Variants in FAAH2 observed in about 807,000 individuals in gnomAD.
The protein encoded by FAAH2 is fatty acid amide hydrolase 2.
Under a neutral mutation model 36.9 loss-of-function variants are expected in FAAH2, and 60 were observed. That is an observed-to-expected ratio of 1.63 (90% CI 1.32 to 2.02). FAAH2 has a LOEUF of 2.02. Ranked by LOEUF, FAAH2 falls within the 30% of genes most tolerant of loss-of-function variation. The pLI, the probability that FAAH2 is intolerant of heterozygous loss-of-function variation, is 0.00. For missense variants in FAAH2, 689 were observed against 397.5 expected (o/e 1.73, Z -6.23); for synonymous variants, 214 against 143.8 (o/e 1.49, Z -3.49).
At chrX:57,333,070 C>T (rs952410214) in intron 4 of FAAH2, among the ~76,000 whole-genome samples, 12 of 110,951 alleles carry the variant, frequency 1.1e-4, no homozygotes, top group Non-Finnish European at 2.1e-4. Flanking sequence ...AATACTTCCT[C>T]TCCTTGTCTC....
intron 5 of FAAH2, among the ~76,000 whole-genome samples, chrX:57,349,704 G>A (rs1412245056): frequency 2.8e-5 from 3 of 108,011 alleles, no homozygotes; most frequent in Non-Finnish European, 5.8e-5. Flanking sequence ...TAATTCTTTT[G>A]GACAAAAATA....
At chrX:57,202,560 C>T in the FAAH2 span, among the ~76,000 whole-genome samples, 1 of 111,907 alleles carries the variant, frequency 8.9e-6, no homozygotes, top group Admixed American at 9.5e-5. Flanking sequence ...TGGCCACCAC[C>T]ATTAGGACTG....
intron 8 of FAAH2, among the ~76,000 whole-genome samples, chrX:57,443,874 T>C (rs1482977123): frequency 8.9e-6 from 1 of 112,205 alleles, no homozygotes; most frequent in East Asian, 2.8e-4. Context: ...TTTACTAAGG[T>C]CCACTTCACA....
the FAAH2 span, among the ~76,000 whole-genome samples, chrX:57,215,822 G>C: frequency 9.4e-6 from 1 of 106,921 alleles, no homozygotes; most frequent in East Asian, 3.0e-4. Flanking sequence ...TCAGGTGGTG[G>C]GGGCAAGGGG....
At chrX:57,150,664 G>A in the FAAH2 span, among the ~76,000 whole-genome samples, 2 of 111,993 alleles carry the variant, frequency 1.8e-5, no homozygotes. Flanking sequence ...CTCTGCATGT[G>A]AGATGGGTTT....
chrX:57,467,965 G>T (rs1020290019), intron 10 of FAAH2, among the ~76,000 whole-genome samples: 3 of 111,802 alleles, frequency 2.7e-5, no homozygotes, highest in Admixed American at 9.5e-5. Context: ...CACAGCTTTC[G>T]TTGCTGATAC....
Position 57,286,840 on chromosome X carries a change from T to C in FAAH2, c.15T>C (p.Phe5=). Residue 5 remains phenylalanine, a synonymous_variant, in exon 1 of 11, where the codon TTT becomes TTC. Transcript: ENST00000374900. ...TCCAGGCTGCGATGGCACCTTCATT[T>C]ACCGCCCGCATTCAGTTGTTCCTCT... MAPS[F]TARIQLFLLR... is the part of the protein sequence containing the mutation. 8.4e-7 allele frequency: 1 copy of C among 1,184,932 alleles called. No homozygotes were observed. The highest frequency in any genetic ancestry group is 1.1e-6 in the Non-Finnish European group (1 of 880,692).
At chrX:57,367,222 G>A (rs1462415745) in intron 5 of FAAH2, among the ~76,000 whole-genome samples, 1 of 112,468 alleles carries the variant, frequency 8.9e-6, no homozygotes, top group Non-Finnish European at 1.9e-5. Flanking sequence ...CAGCATCTAA[G>A]GTTAACTTAG....
the FAAH2 span, among the ~76,000 whole-genome samples, chrX:57,162,819 G>A: frequency 1.4e-4 from 16 of 112,268 alleles, no homozygotes; most frequent in Non-Finnish European, 3.0e-4. Context: ...TCCTCCCGTA[G>A]CTCAGAGTAA....
At chrX:57,139,470 G>A in the FAAH2 span, among the ~76,000 whole-genome samples, 2 of 111,598 alleles carry the variant, frequency 1.8e-5, no homozygotes, top group East Asian at 5.6e-4. Context: ...TTGTTTGTTT[G>A]TTTGTTTTTT....
chrX:57,165,055 G>T, the FAAH2 span, among the ~76,000 whole-genome samples: 1 of 112,397 alleles, frequency 8.9e-6, no homozygotes, highest in Non-Finnish European at 1.9e-5. Flanking sequence ...ATACTATGAG[G>T]ATGTGGAGAA....
intron 4 of FAAH2, among the ~76,000 whole-genome samples, chrX:57,332,388 C>G (rs2053432984): frequency 8.9e-6 from 1 of 112,095 alleles, no homozygotes; most frequent in Non-Finnish European, 1.9e-5. Flanking sequence ...GAAGTTTTTA[C>G]TCCAATTCAC....
At chrX:57,202,801 G>C in the FAAH2 span, among the ~76,000 whole-genome samples, 1 of 111,731 alleles carries the variant, frequency 9.0e-6, no homozygotes, top group African/African-American at 3.3e-5. Context: ...AATTCTGGAA[G>C]TCTGCCTCGT....
intron 2 of FAAH2, among the ~76,000 whole-genome samples, chrX:57,296,446 A>G (rs1446762349): frequency 1.8e-5 from 2 of 111,461 alleles, no homozygotes; most frequent in Non-Finnish European, 3.8e-5. Flanking sequence ...CCAAAAATCC[A>G]TCTGTACGTC....
At chrX:57,271,107 A>G in the FAAH2 span, among the ~76,000 whole-genome samples, 1 of 112,512 alleles carries the variant, frequency 8.9e-6, no homozygotes, top group Admixed American at 9.4e-5. Flanking sequence ...TCAGCACAGC[A>G]GCAATCTGAG....
chrX:57,208,849 C>T, the FAAH2 span, among the ~76,000 whole-genome samples: 8 of 112,325 alleles, frequency 7.1e-5, no homozygotes, highest in Non-Finnish European at 1.1e-4. Context: ...AGATCGCTCA[C>T]GCTATTGTTA....
At chrX:57,451,759 C>T (rs762241192) in intron 10 of FAAH2, among the ~76,000 whole-genome samples, 63 of 111,499 alleles carry the variant, frequency 5.7e-4, no homozygotes, top group African/African-American at 2.0e-3. Flanking sequence ...GTAAGCATGT[C>T]ATGGAGAACA....
chrX:57,243,338 G>T, the FAAH2 span, among the ~76,000 whole-genome samples: 4 of 112,095 alleles, frequency 3.6e-5, no homozygotes, highest in Non-Finnish European at 7.5e-5. Context: ...GCAGACAAAT[G>T]TTCCTGCCTG....
chrX:57,222,424 G>A, the FAAH2 span, among the ~76,000 whole-genome samples: 1 of 111,477 alleles, frequency 9.0e-6, no homozygotes, highest in Admixed American at 9.5e-5. Flanking sequence ...TTCTAACCCA[G>A]TCTAAGGGAC....
Sources: gnomAD v4.1 joint callset for allele counts (sites outside exome capture counted in the v4.1 genomes callset) on GRCh38, gnomAD v4.1.1 for gene constraint, MANE v1.5 for transcripts, NCBI Gene and HGNC (gene_info 2026-07-23, HGNC 2026-07-21) for gene names.